DOT1L: variants seen among roughly 807,000 people sequenced by gnomAD.
The protein encoded by DOT1L is histone-lysine N-methyltransferase, H3 lysine-79 specific.
In DOT1L, 33 loss-of-function variants were observed where a neutral mutation model predicts 153.3. The ratio of observed to expected loss-of-function variants is 0.22; its 90% CI spans 0.16 to 0.29. The LOEUF (loss-of-function observed/expected upper bound fraction) is 0.29. DOT1L is among the 10% of genes least tolerant of loss of function. The pLI, the probability that DOT1L is intolerant of heterozygous loss-of-function variation, is 1.00. For missense variants in DOT1L, 1,847 were observed against 2,119.9 expected (o/e 0.87, Z 2.53); for synonymous variants, 1,135 against 965.1 (o/e 1.18, Z -3.26).
chr19:2,224,815 C>T (rs949157540), intron 25 of DOT1L, among the ~76,000 whole-genome samples: 1 of 152,332 alleles, frequency 6.6e-6, no homozygotes, highest in Non-Finnish European at 1.5e-5. Context: ...TGTGCGTGCA[C>T]GTGTTACACG....
Position 2,216,152 on chromosome 19 carries a change from T to G in DOT1L, c.1924-129T>G. The G allele has an allele frequency of 2.9e-6, 4 of 1,372,202 alleles. No homozygotes were observed. The South Asian group carries it at 4.4e-5, about 15-fold the overall frequency. 85.0% of individuals were successfully genotyped at this position (1,372,202 alleles called of 1,614,324 possible). ...ACCCCGCCTCTATGTGGTCGGCAGC[T>G]TTGGTTTTTCCATCCCACACAAGCA... is the stretch of plus-strand genomic sequence containing the variant. On this transcript the variant is annotated intron_variant, in intron 19 of 27. Coordinates refer to ENST00000398665, the MANE Select transcript of DOT1L (RefSeq NM_032482.3).
In DOT1L at chr19:2,197,187, C is replaced by T. The variant is rs2023059308; in HGVS notation, c.651+2610C>T. ...CGGCTTCTGTTCTGCTGTCTTTGAC[C>T]AGGACTTGCGCATCCAGGGCTGTGG... On this transcript the variant is annotated intron_variant, in intron 7 of 27. Transcript: ENST00000398665. This position sits in a 1 kb window ranked among gnomAD's most constrained non-coding sequence, Gnocchi z 4.1. Among the ~76,000 whole-genome samples, 1 of 152,166 alleles carries T rather than the reference C, an allele frequency of 6.6e-6. No individual in the cohort carries two copies. The highest frequency in any genetic ancestry group is 1.5e-5 in the Non-Finnish European group (1 of 68,036).
rs983497085 is a variant in DOT1L at position 2,230,114 on chromosome 19, T to C, written c.*322T>C. The C allele has an allele frequency of 5.6e-6, 3 of 535,338 alleles. No homozygotes were observed. The highest frequency in any genetic ancestry group is 3.6e-5 in the Admixed American group (1 of 27,662). The allele number at this position is 535,338 out of a possible 1,614,324, so 33.2% of individuals were successfully genotyped here. On this transcript the variant is annotated 3_prime_UTR_variant, in exon 28 of 28. Coordinates refer to ENST00000398665, the MANE Select transcript of DOT1L (RefSeq NM_032482.3). ...TATGAGAGCTCTATATAAAGACACGTGTCTGCAGGGCGGGCCCGCCAGCGG... is the reference window on the plus strand; with the variant it reads ...TATGAGAGCTCTATATAAAGACACGCGTCTGCAGGGCGGGCCCGCCAGCGG...
chr19:2,232,235 C>G lies in DOT1L; in HGVS notation c.*2443C>G, dbSNP rs1447463885. The G allele has an allele frequency of 1.4e-5, 3 of 219,360 alleles. No homozygotes were observed. Among genetic ancestry groups the G allele is most frequent in the Non-Finnish European group, 2.7e-5 (3 of 109,528 alleles). 13.6% of individuals were successfully genotyped at this position (219,360 alleles called of 1,614,324 possible). A position where few individuals can be genotyped will look rare whatever the true frequency, so the allele number is the denominator to read the frequency against. Reference sequence around the variant, plus strand: ...AGGAACCCTAAAAACTAGGATACCCCCTCCTCGGCCCATGAGGCACGCACA... The same window carrying G: ...AGGAACCCTAAAAACTAGGATACCCGCTCCTCGGCCCATGAGGCACGCACA... On this transcript the variant is annotated 3_prime_UTR_variant, in exon 28 of 28. Transcript: ENST00000398665.
At position 2,201,410 on chromosome 19, in the gene DOT1L, C is replaced by G. The variant is rs933655062; in HGVS notation, c.708-1290C>G. On this transcript the variant is annotated intron_variant, in intron 8 of 27. Coordinates refer to ENST00000398665, the MANE Select transcript of DOT1L (RefSeq NM_032482.3). ...CTCCCCATGCCTCTCGTCCTCCCCG[C>G]ACCCTCGCTCCTGCTGTCTTCCCTG... 2.0e-5 allele frequency among the ~76,000 whole-genome samples: 3 copies of G among 152,202 alleles called. No homozygotes were observed. The South Asian group carries it at 6.2e-4, about 32-fold the overall frequency.
intron 2 of DOT1L, among the ~76,000 whole-genome samples, chr19:2,183,181 G>GT (rs1167629206): frequency 1.3e-5 from 2 of 152,150 alleles, no homozygotes; most frequent in Non-Finnish European, 2.9e-5. Context: ...CAGTGGTGTT[G>GT]TTTTTTTGAG....
chr19:2,213,096 T>A (rs2023771127), intron 16 of DOT1L: 1 of 165,184 alleles, frequency 6.1e-6, no homozygotes, highest in Admixed American at 6.1e-5. Flanking sequence ...TGCTGGTGTC[T>A]GAAGGTTGTC....
chr19:2,165,197 G>C (rs908526826), intron 1 of DOT1L, among the ~76,000 whole-genome samples: 1 of 152,200 alleles, frequency 6.6e-6, no homozygotes. Flanking sequence ...TGAAGCAGGC[G>C]CTGTCAGCGA....
chr19:2,165,873 A>T (rs920066198), intron 1 of DOT1L, among the ~76,000 whole-genome samples: 2 of 148,904 alleles, frequency 1.3e-5, no homozygotes, highest in South Asian at 2.1e-4. Flanking sequence ...GGTTCACGCC[A>T]TTCTCCTGCC....
intron 1 of DOT1L, among the ~76,000 whole-genome samples, chr19:2,172,169 T>C (rs1460906139): frequency 6.6e-6 from 1 of 151,982 alleles, no homozygotes; most frequent in East Asian, 1.9e-4. Flanking sequence ...GGACGCACTT[T>C]TCTTTTTTGT....
chr19:2,199,209 C>T (rs1051604263), intron 7 of DOT1L, among the ~76,000 whole-genome samples: 1 of 152,232 alleles, frequency 6.6e-6, no homozygotes. Context: ...GGACTGGCGT[C>T]GGGCTGCAGC....
rs980420088 is a variant in DOT1L at position 2,221,755 on chromosome 19, C to T, written c.2807-221C>T. 3 of 551,336 alleles carry T rather than the reference C, an allele frequency of 5.4e-6. No individual in the cohort carries two copies. The South Asian group carries it at 8.4e-5, about 16-fold the overall frequency. The allele number at this position is 551,336 out of a possible 1,614,324, so 34.2% of individuals were successfully genotyped here. A position where few individuals can be genotyped will look rare whatever the true frequency, so the allele number is the denominator to read the frequency against. Reference sequence around the variant, plus strand: ...CGGGACCTGCAGGGCACAGGCAGCCCAGATGGGCGGGAGGAGGCACAGGGT... The same window carrying T: ...CGGGACCTGCAGGGCACAGGCAGCCTAGATGGGCGGGAGGAGGCACAGGGT... On this transcript the variant is annotated intron_variant, in intron 23 of 27. Transcript: ENST00000398665.
chr19:2,227,355 G>C (rs748201021), intron 27 of DOT1L: 22 of 733,940 alleles, frequency 3.0e-5, no homozygotes, highest in African/African-American at 1.7e-4. Context: ...CGTCCCTCTT[G>C]TTTTCAGAAG....
In DOT1L at chr19:2,204,771, C is replaced by T. The variant is rs1599583361; in HGVS notation, c.788-1958C>T. The stretch of plus-strand genomic sequence containing the variant: ...TTAGCCTGGCTCTGCAACCATTAGA[C>T]GTGGCCCTGCTCATGTTTGAGGTCC... On this transcript the variant is annotated intron_variant, in intron 9 of 27. Coordinates refer to ENST00000398665, the MANE Select transcript of DOT1L (RefSeq NM_032482.3). The surrounding 1 kb of genome is among the most constrained non-coding windows in gnomAD (Gnocchi z 5.7). Among the ~76,000 whole-genome samples the T allele has an allele frequency of 2.0e-5, 3 of 152,132 alleles. No individual in the cohort carries two copies. Among genetic ancestry groups the T allele is most frequent in the Admixed American group, 1.3e-4 (2 of 15,264 alleles).
rs891573477 is a variant in DOT1L, at chr19:2,229,924, T to G, written c.*132T>G. On this transcript the variant is annotated 3_prime_UTR_variant, in exon 28 of 28. Coordinates refer to ENST00000398665, the MANE Select transcript of DOT1L (RefSeq NM_032482.3). ...GCAAGGACGGACGGGAGCTCCACTG[T>G]GAATCGGCGGCACGCGCCGCAGGAG... 3 of 1,535,340 alleles carry G rather than the reference T, an allele frequency of 2.0e-6. No individual in the cohort carries two copies. The highest frequency in any genetic ancestry group is 2.7e-6 in the Non-Finnish European group (3 of 1,119,546).
At chr19:2,188,951 G>C (rs1015804584) in intron 3 of DOT1L, among the ~76,000 whole-genome samples, 2 of 152,218 alleles carry the variant, frequency 1.3e-5, no homozygotes, top group Non-Finnish European at 2.9e-5. Context: ...CTGGAGCACA[G>C]GTGCCCCCTG....
chr19:2,185,711 G>A, intron 2 of DOT1L, 144 bp from the exon 3 acceptor site: 1 of 800,026 alleles, frequency 1.2e-6, no homozygotes, highest in Non-Finnish European at 2.0e-6. Flanking sequence ...GGAGCTTGCA[G>A]TGAGCCAAGA....
chr19:2,193,883 C>T lies in DOT1L; in HGVS notation c.588+100C>T, dbSNP rs1382504844. 3.1e-6 allele frequency: 4 copies of T among 1,277,540 alleles called. No homozygotes were observed. Among genetic ancestry groups the T allele is most frequent in the Non-Finnish European group, 4.4e-6 (4 of 917,802 alleles). The allele number at this position is 1,277,540 out of a possible 1,614,324, so 79.1% of individuals were successfully genotyped here. A position where few individuals can be genotyped will look rare whatever the true frequency, so the allele number is the denominator to read the frequency against. On this transcript the variant is annotated intron_variant, in intron 6 of 27. Coordinates refer to ENST00000398665, the MANE Select transcript of DOT1L (RefSeq NM_032482.3). This position sits in a 1 kb window ranked among gnomAD's most constrained non-coding sequence, Gnocchi z 5.9. ...CCCCACTGCTGTGGGACTTCCGAGTCTGGGTGGCGTTCTTTCCAGGCCCAA... is the reference window on the plus strand; with the variant it reads ...CCCCACTGCTGTGGGACTTCCGAGTTTGGGTGGCGTTCTTTCCAGGCCCAA...
chr19:2,199,665 C>T (rs996447149), intron 7 of DOT1L, among the ~76,000 whole-genome samples: 3 of 152,220 alleles, frequency 2.0e-5, no homozygotes, highest in African/African-American at 7.2e-5. Flanking sequence ...GAGGACCTGT[C>T]CCGGCTTCTC....
Sources: allele counts gnomAD v4.1 joint callset (sites outside exome capture counted in the v4.1 genomes callset), GRCh38; gene constraint gnomAD v4.1.1; non-coding constraint Gnocchi (gnomAD v3.1); transcripts MANE v1.5; gene names NCBI Gene and HGNC (gene_info 2026-07-23, HGNC 2026-07-21).